SERINC5: variants seen among roughly 807,000 people sequenced by gnomAD.
SERINC5 encodes serine incorporator 5.
A neutral mutation model predicts 63.1 loss-of-function variants in SERINC5; 41 were observed. The observed-to-expected ratio is 0.65, with a 90% confidence interval of 0.51 to 0.84. The LOEUF (loss-of-function observed/expected upper bound fraction) is 0.84. Ranked by LOEUF, SERINC5 falls within the 40% of genes least tolerant of loss-of-function variation. The probability of loss-of-function intolerance (pLI) is 0.00; values close to 1 mark genes in which losing one functional copy is unlikely to be tolerated. For synonymous variants in SERINC5, 222 were observed against 215.2 expected (o/e 1.03, Z -0.28); for missense variants, 523 against 573.0 (o/e 0.91, Z 0.89).
rs973420614 is a variant in SERINC5, at chr5:80,198,723, C to T, written c.195+4163G>A. The T allele has an allele frequency of 3.0e-6, 3 of 985,186 alleles. No homozygotes were observed. The African/African-American group carries it at 5.2e-5, about 17-fold the overall frequency. 61.0% of individuals were successfully genotyped at this position (985,186 alleles called of 1,614,324 possible). ...AGCACCCCCTGAGGATGAGGTCAGCCTCTCTTCTGTAGGCCACGAAACAAG... is the reference window on the plus strand; with the variant it reads ...AGCACCCCCTGAGGATGAGGTCAGCTTCTCTTCTGTAGGCCACGAAACAAG... On this transcript the variant is annotated intron_variant, in intron 2 of 11. Coordinates refer to ENST00000507668, the MANE Select transcript of SERINC5 (RefSeq NM_001174072.3).
chr5:80,150,790 A>C (rs1407951229), intron 9 of SERINC5, 92 bp downstream of exon 9: 3 of 894,376 alleles, frequency 3.4e-6, no homozygotes, highest in Non-Finnish European at 5.7e-6. Flanking sequence ...AGGATCACGG[A>C]ATGCAGACTG....
At position 80,146,110 on chromosome 5, in the gene SERINC5, C is replaced by T. The variant is rs1469216256; in HGVS notation, c.1218G>A (p.Met406Ile). 6.2e-7 allele frequency: 1 copy of T among 1,614,016 alleles called. No homozygotes were observed. The highest frequency in any genetic ancestry group is 8.5e-7 in the Non-Finnish European group (1 of 1,179,864). The change falls in exon 11 of 12, where the codon ATG becomes ATA. Residue 406 changes from methionine (M) to isoleucine (I), a missense_variant. Met to Ile is a conservative substitution (Grantham distance 10). Transcript: ENST00000507668. ...CTCACTTGAACCAGTTGGTGACGGTCATCATCACATACAGGGAAGCTAGGA... is the reference window on the plus strand; with the variant it reads ...CTCACTTGAACCAGTTGGTGACGGTTATCATCACATACAGGGAAGCTAGGA... ...VFFLASLYVM[M>I]TVTNWFNYES...
intron 11 of SERINC5, among the ~76,000 whole-genome samples, chr5:80,130,440 C>T (rs1744901222): frequency 6.6e-6 from 1 of 152,008 alleles, no homozygotes; most frequent in South Asian, 2.1e-4. Flanking sequence ...TGGCTTGTGT[C>T]TGTAGTCCCA....
Position 80,141,668 on chromosome 5 carries a change from C to T in SERINC5, c.*1995G>A. Reference sequence around the variant, plus strand: ...CAGCTACTGTGTGTGACACGCAGCCCCACTCCCTGAGCCCATTCCTGGCCC... The same window carrying T: ...CAGCTACTGTGTGTGACACGCAGCCTCACTCCCTGAGCCCATTCCTGGCCC... On this transcript the variant is annotated 3_prime_UTR_variant, in exon 12 of 12. Transcript: ENST00000507668. The T allele has an allele frequency of 1.0e-6, 1 of 985,586 alleles. No individual in the cohort carries two copies. The highest frequency in any genetic ancestry group is 1.7e-5 in the African/African-American group (1 of 57,368). The allele number at this position is 985,586 out of a possible 1,614,324, so 61.1% of individuals were successfully genotyped here.
rs1745441634 is a variant in SERINC5, at chr5:80,140,458, C to T, written c.*3205G>A. ...GTATGGAAACAGAACCCCAAAACCC[C>T]AATAACTCCACCCTCCCCACAACCC... On this transcript the variant is annotated 3_prime_UTR_variant, in exon 12 of 12. Coordinates refer to ENST00000507668, the MANE Select transcript of SERINC5 (RefSeq NM_001174072.3). 1.0e-6 allele frequency: 1 copy of T among 984,874 alleles called. No individual in the cohort carries two copies. Among genetic ancestry groups the T allele is most frequent in the Non-Finnish European group, 1.2e-6 (1 of 829,794 alleles). 61.0% of individuals were successfully genotyped at this position (984,874 alleles called of 1,614,324 possible).
intron 2 of SERINC5, among the ~76,000 whole-genome samples, chr5:80,195,417 ATT>A (rs1580148997): frequency 6.6e-6 from 1 of 152,162 alleles, no homozygotes; most frequent in African/African-American, 2.4e-5. Flanking sequence ...TAAAAAGATC[ATT>A]GTTTTCTCTG....
chr5:80,248,583 G>A (rs1033249114), intron 1 of SERINC5, among the ~76,000 whole-genome samples: 7 of 152,220 alleles, frequency 4.6e-5, no homozygotes, highest in East Asian at 1.9e-4. Context: ...TGCAAGTAAA[G>A]GGGTACTACC....
At chr5:80,227,686 T>C (rs1428688033) in intron 1 of SERINC5, among the ~76,000 whole-genome samples, 2 of 151,724 alleles carry the variant, frequency 1.3e-5, no homozygotes, top group Non-Finnish European at 2.9e-5. Context: ...CATTTGAAAG[T>C]TAAAAATTCA....
chr5:80,227,532 G>A (rs568639842), intron 1 of SERINC5, among the ~76,000 whole-genome samples: 40 of 151,804 alleles, frequency 2.6e-4, no homozygotes, highest in Admixed American at 1.9e-3. Context: ...AGACCCAGGC[G>A]GGTGGATCAC....
intron 1 of SERINC5, among the ~76,000 whole-genome samples, chr5:80,228,170 G>A (rs1468917915): frequency 6.7e-6 from 1 of 149,446 alleles, no homozygotes; most frequent in Non-Finnish European, 1.5e-5. Flanking sequence ...AGGTCAAGAA[G>A]GCTACAGTGA....
intron 1 of SERINC5, among the ~76,000 whole-genome samples, chr5:80,248,120 G>C (rs1454655841): frequency 6.6e-6 from 1 of 152,148 alleles, no homozygotes; most frequent in East Asian, 1.9e-4. Context: ...TGAAAGTGCT[G>C]GGATTACAGG....
chr5:80,187,272 G>A (rs1469922221), intron 2 of SERINC5, among the ~76,000 whole-genome samples: 1 of 152,140 alleles, frequency 6.6e-6, no homozygotes, highest in Admixed American at 6.5e-5. Context: ...CCACATGAGG[G>A]ATAAATTAGG....
chr5:80,217,736 C>T (rs1461383424), intron 1 of SERINC5, among the ~76,000 whole-genome samples: 2 of 152,184 alleles, frequency 1.3e-5, no homozygotes, highest in East Asian at 1.9e-4. Context: ...AGGAAACTCA[C>T]ATTTTAGTGG....
At chr5:80,174,711 G>A (rs1250771595) in intron 5 of SERINC5, among the ~76,000 whole-genome samples, 4 of 152,100 alleles carry the variant, frequency 2.6e-5, no homozygotes, top group Non-Finnish European at 2.9e-5. Context: ...AGACCCGTAC[G>A]AGCAGGGGAT....
intron 1 of SERINC5, among the ~76,000 whole-genome samples, chr5:80,220,073 G>C (rs1441540649): frequency 3.3e-5 from 5 of 152,128 alleles, no homozygotes; most frequent in Non-Finnish European, 7.3e-5. Context: ...GCTGGGTATG[G>C]TGGCACATGC....
intron 9 of SERINC5, among the ~76,000 whole-genome samples, chr5:80,149,808 G>A (rs910214353): frequency 6.6e-6 from 1 of 152,214 alleles, no homozygotes; most frequent in African/African-American, 2.4e-5. Flanking sequence ...AGTGCTGTAA[G>A]TCTTAGCCAT....
At chr5:80,239,906 C>T (rs1334294948) in intron 1 of SERINC5, among the ~76,000 whole-genome samples, 2 of 152,144 alleles carry the variant, frequency 1.3e-5, no homozygotes, top group South Asian at 2.1e-4. Context: ...ACCCTTCCAG[C>T]GCCAATTTTC....
chr5:80,179,796 T>C (rs1561400205), intron 2 of SERINC5, among the ~76,000 whole-genome samples: 1 of 152,218 alleles, frequency 6.6e-6, no homozygotes, highest in Admixed American at 6.5e-5. Flanking sequence ...ATTTCAGATG[T>C]TTGGATTAGG....
intron 2 of SERINC5, among the ~76,000 whole-genome samples, chr5:80,180,267 TATC>T (rs1391520079): frequency 1.3e-5 from 2 of 152,208 alleles, no homozygotes; most frequent in Non-Finnish European, 2.9e-5. Flanking sequence ...ACTTGCTTCT[TATC>T]AACATCAAAG....
Sources: gnomAD v4.1 joint callset for allele counts (sites outside exome capture counted in the v4.1 genomes callset) on GRCh38, gnomAD v4.1.1 for gene constraint, MANE v1.5 for transcripts, NCBI Gene and HGNC (gene_info 2026-07-23, HGNC 2026-07-21) for gene names.